Variants in PCDHA2 observed in about 807,000 individuals in gnomAD.
PCDHA2 encodes the protein protocadherin alpha-2.
In PCDHA2, 58 loss-of-function variants were observed where a neutral mutation model predicts 66.0. That is an observed-to-expected ratio of 0.88 (90% CI 0.71 to 1.09). PCDHA2 has a LOEUF of 1.09. Among genes scored for constraint, PCDHA2 ranks in the 50% least tolerant of loss-of-function variants. The probability of loss-of-function intolerance (pLI) is 0.00; values close to 1 mark genes in which losing one functional copy is unlikely to be tolerated. For synonymous variants in PCDHA2, 634 were observed against 554.0 expected (o/e 1.14, Z -2.03); for missense variants, 1,267 against 1,242.3 (o/e 1.02, Z -0.30).
chr5:140,841,432 G>A (rs1365563680), intron 1 of PCDHA2: 5 of 1,612,878 alleles, frequency 3.1e-6, no homozygotes, highest in African/African-American at 1.3e-5. Flanking sequence ...CCGTCCCCGA[G>A]GAGGCCAAAC....
In PCDHA2 at chr5:140,946,774, T is replaced by G. The variant is rs57013515; in HGVS notation, c.2389-32175T>G. On this transcript the variant is annotated intron_variant, in intron 1 of 3. Coordinates refer to ENST00000526136, the MANE Select transcript of PCDHA2 (RefSeq NM_018905.3). ...TGCATGATCTCATTCATGTGGAATGTAAAAAAGCTGATCTTATAGAAGCAG... is the reference window on the plus strand; with the variant it reads ...TGCATGATCTCATTCATGTGGAATGGAAAAAAGCTGATCTTATAGAAGCAG... Among the ~76,000 whole-genome samples, 481 of 151,404 alleles carry G rather than the reference T, an allele frequency of 3.2e-3. 2 individuals are homozygous for G. Among genetic ancestry groups the G allele is most frequent in the African/African-American group, 0.011 (462 of 41,264 alleles).
At chr5:140,803,589 AAAGT>A in intron 1 of PCDHA2, 1 of 1,614,222 alleles carries the variant, frequency 6.2e-7, no homozygotes, top group Admixed American at 1.7e-5. Flanking sequence ...TCTCTCAGCC[AAAGT>A]GAGTAATTTT....
chr5:140,835,513 G>T (rs1773701294), intron 1 of PCDHA2: 1 of 1,613,936 alleles, frequency 6.2e-7, no homozygotes, highest in Non-Finnish European at 8.5e-7. Flanking sequence ...GTGTTTGACC[G>T]AGATTTTGGA....
At chr5:140,986,141 G>C (rs1473474920) in intron 3 of PCDHA2, among the ~76,000 whole-genome samples, 2 of 152,138 alleles carry the variant, frequency 1.3e-5, no homozygotes, top group African/African-American at 2.4e-5. Context: ...ATCAACAAGG[G>C]CATCACCAAG....
At chr5:140,858,318 G>T in intron 1 of PCDHA2, 1 of 1,597,070 alleles carries the variant, frequency 6.3e-7, no homozygotes, top group Non-Finnish European at 8.6e-7. Context: ...CAGAGGGTGT[G>T]TTCTGGGGAG....
chr5:140,836,592 C>T (rs1554136107), intron 1 of PCDHA2: 4 of 1,613,726 alleles, frequency 2.5e-6, no homozygotes, highest in Non-Finnish European at 3.4e-6. Flanking sequence ...TTTGGTAAAG[C>T]CCACTCTGGT....
At chr5:140,851,728 C>A in intron 1 of PCDHA2, 1 of 969,738 alleles carries the variant, frequency 1.0e-6, no homozygotes, top group Non-Finnish European at 1.2e-6. Context: ...ACTTCGAGTT[C>A]TTTTGAAATT....
chr5:140,866,951 G>A (rs1207354253), intron 1 of PCDHA2: 1 of 152,106 alleles, frequency 6.6e-6, no homozygotes, highest in African/African-American at 2.4e-5. Context: ...CTAGGGGCTG[G>A]TTGAGATGGT....
intron 1 of PCDHA2, chr5:140,836,173 T>G (rs2150254721): frequency 6.2e-7 from 1 of 1,613,820 alleles, no homozygotes; most frequent in South Asian, 1.1e-5. Context: ...GTACGTGCAG[T>G]TGACGCTGAC....
chr5:141,002,023 G>GC (rs1479327416), intron 3 of PCDHA2, among the ~76,000 whole-genome samples: 4 of 152,186 alleles, frequency 2.6e-5, no homozygotes, highest in Admixed American at 6.5e-5. Flanking sequence ...ACAGCCTTCG[G>GC]TGCCCTGACT....
intron 3 of PCDHA2, among the ~76,000 whole-genome samples, chr5:141,008,352 A>T (rs549122044): frequency 6.6e-6 from 1 of 152,204 alleles, no homozygotes; most frequent in Non-Finnish European, 1.5e-5. Flanking sequence ...TTCACGTGTC[A>T]ACCAAAGGAG....
At chr5:140,966,838 G>A in intron 1 of PCDHA2, 1 of 1,566,774 alleles carries the variant, frequency 6.4e-7, no homozygotes, top group South Asian at 1.2e-5. Context: ...CCTGGCTGCT[G>A]CTACTGCCTC....
intron 1 of PCDHA2, among the ~76,000 whole-genome samples, chr5:140,922,817 G>A (rs1554200973): frequency 1.3e-5 from 2 of 152,218 alleles, no homozygotes; most frequent in Non-Finnish European, 2.9e-5. Context: ...AGGAGATACA[G>A]CATACTGCTA....
intron 1 of PCDHA2, among the ~76,000 whole-genome samples, chr5:140,839,832 G>A (rs1196179832): frequency 6.6e-6 from 1 of 152,000 alleles, no homozygotes; most frequent in Admixed American, 6.6e-5. Context: ...CATTCATGAT[G>A]AATCCATGGA....
At chr5:140,959,414 C>T (rs1408668310) in intron 1 of PCDHA2, among the ~76,000 whole-genome samples, 3 of 151,996 alleles carry the variant, frequency 2.0e-5, no homozygotes, top group African/African-American at 7.2e-5. Context: ...GTTGATTGAT[C>T]TGAGAATTTG....
intron 1 of PCDHA2, chr5:140,870,210 C>T (rs1430379869): frequency 6.2e-7 from 1 of 1,614,058 alleles, no homozygotes; most frequent in African/African-American, 1.3e-5. Context: ...CGGTCATTGC[C>T]CTGATCAGCG....
At position 140,870,851 on chromosome 5, in the gene PCDHA2, C is replaced by G. The variant is rs1562652583; in HGVS notation, c.2388+73499C>G. ...GCAGTTAACAAGCTAGTACCGCGGT[C>G]GGTGGGTGCGGGCCACGTGGTGGCG... is the stretch of plus-strand genomic sequence containing the variant. On this transcript the variant is annotated intron_variant, in intron 1 of 3. Transcript: ENST00000526136. The G allele has an allele frequency of 1.9e-6, 3 of 1,613,838 alleles. No homozygotes were observed. Among genetic ancestry groups the G allele is most frequent in the Non-Finnish European group, 2.5e-6 (3 of 1,179,894 alleles).
chr5:140,858,610 T>G, intron 1 of PCDHA2: 1 of 1,234,746 alleles, frequency 8.1e-7, no homozygotes, highest in Non-Finnish European at 1.1e-6. Flanking sequence ...TAAAATTTTT[T>G]TATCCTACCC....
chr5:140,819,829 G>T (rs1766633289), intron 1 of PCDHA2, among the ~76,000 whole-genome samples: 1 of 152,078 alleles, frequency 6.6e-6, no homozygotes, highest in Admixed American at 6.5e-5. Context: ...AACTGATATT[G>T]TTGATGACTT....
Sources: gnomAD v4.1 joint callset for allele counts (sites outside exome capture counted in the v4.1 genomes callset) on GRCh38, gnomAD v4.1.1 for gene constraint, MANE v1.5 for transcripts, NCBI Gene and HGNC (gene_info 2026-07-23, HGNC 2026-07-21) for gene names.